RABGEF1: variants seen among roughly 807,000 people sequenced by gnomAD.
The protein encoded by RABGEF1 is rab5 GDP/GTP exchange factor.
A neutral mutation model predicts 57.3 loss-of-function variants in RABGEF1; 26 were observed. The ratio of observed to expected loss-of-function variants is 0.45; its 90% CI spans 0.33 to 0.63. The LOEUF is 0.63. Among genes scored for constraint, RABGEF1 ranks in the 20% least tolerant of loss-of-function variants. The pLI, the probability that RABGEF1 is intolerant of heterozygous loss-of-function variation, is 0.02. For missense variants in RABGEF1, 464 were observed against 607.6 expected, an observed-to-expected ratio of 0.76 and a Z score of 2.48; for synonymous variants, 185 against 210.7, an observed-to-expected ratio of 0.88 and a Z score of 1.06.
chr7:66,659,188 C>T, the RABGEF1 span, among the ~76,000 whole-genome samples: 1 of 152,126 alleles, frequency 6.6e-6, no homozygotes, highest in Non-Finnish European at 1.5e-5. Context: ...TGTGGTGGCT[C>T]ACGCCTGTAA....
rs565687746 is a variant in RABGEF1, at chr7:66,690,812, G to A, written c.-873+8554G>A. On this transcript the variant is annotated intron_variant and NMD_transcript_variant, in intron 1 of 9. Transcript: ENST00000607882. ...AAAAGGATTGTATAAGGCCAGGTGC[G>A]GTGCCTCACCCCTAAAATTCCAGCA... is the stretch of plus-strand genomic sequence containing the variant. Among the ~76,000 whole-genome samples, 12 of 151,634 alleles carry A rather than the reference G, an allele frequency of 7.9e-5. No homozygotes were observed. The South Asian group carries it at 1.5e-3, about 18-fold the overall frequency.
At chr7:66,664,951 C>A in the RABGEF1 span, among the ~76,000 whole-genome samples, 1 of 152,334 alleles carries the variant, frequency 6.6e-6, no homozygotes. Flanking sequence ...GCCCGTGGCC[C>A]CCACGGCAGG....
intron 1 of RABGEF1, chr7:66,756,141 A>G: frequency 9.9e-7 from 1 of 1,008,810 alleles, no homozygotes; most frequent in East Asian, 2.9e-5. Context: ...AATGACATAG[A>G]AAAATGAGCA....
the RABGEF1 span, among the ~76,000 whole-genome samples, chr7:66,659,918 T>C: frequency 6.8e-6 from 1 of 147,798 alleles, no homozygotes; most frequent in African/African-American, 2.5e-5. Context: ...AGAGTGGAAA[T>C]AAATAAAGAA....
intron 1 of RABGEF1, among the ~76,000 whole-genome samples, chr7:66,753,710 T>TTTG (rs1643834172): frequency 7.0e-6 from 1 of 142,116 alleles, no homozygotes; most frequent in South Asian, 2.5e-4. Flanking sequence ...CGTTTTTTTT[T>TTTG]TTTTTTTTTT....
chr7:66,748,951 A>G, intron 1 of RABGEF1: 1 of 213,568 alleles, frequency 4.7e-6, no homozygotes, highest in South Asian at 8.5e-5. Flanking sequence ...TCATAAGAGC[A>G]AGGCCGCTGC....
intron 1 of RABGEF1, among the ~76,000 whole-genome samples, chr7:66,699,336 C>T (rs892008840): frequency 9.2e-5 from 14 of 152,214 alleles, no homozygotes; most frequent in Non-Finnish European, 1.8e-4. Context: ...CTTTGCCTTT[C>T]ACCAGATATA....
intron 7 of RABGEF1, among the ~76,000 whole-genome samples, 155 bp from the exon 8 acceptor site, chr7:66,804,985 G>A (rs1054813727): frequency 1.3e-5 from 2 of 152,092 alleles, no homozygotes; most frequent in East Asian, 1.9e-4. Flanking sequence ...ATGAGTATGA[G>A]ATCATATTTA....
chr7:66,748,936 T>A (rs1364896079), intron 1 of RABGEF1: 1 of 233,694 alleles, frequency 4.3e-6, no homozygotes, highest in African/African-American at 2.3e-5. Flanking sequence ...AAAAACTGTT[T>A]TATGTCATAA....
intron 1 of RABGEF1, among the ~76,000 whole-genome samples, chr7:66,708,464 T>A (rs1232899446): frequency 6.6e-6 from 1 of 151,972 alleles, no homozygotes; most frequent in African/African-American, 2.4e-5. Flanking sequence ...ATTTTTGTAT[T>A]TTTAGTAGAG....
the RABGEF1 span, among the ~76,000 whole-genome samples, chr7:66,661,729 C>G: frequency 6.6e-6 from 1 of 152,316 alleles, no homozygotes; most frequent in East Asian, 1.9e-4. Flanking sequence ...CAAACTCTTT[C>G]AAAAACTTGA....
chr7:66,774,739 G>A (rs1355049413), intron 2 of RABGEF1, among the ~76,000 whole-genome samples: 4 of 152,100 alleles, frequency 2.6e-5, no homozygotes, highest in Admixed American at 6.5e-5. Flanking sequence ...CAGCCTGGGC[G>A]ATGGAGTGAC....
chr7:66,668,067 G>A, the RABGEF1 span, among the ~76,000 whole-genome samples: 1 of 152,012 alleles, frequency 6.6e-6, no homozygotes, highest in South Asian at 2.1e-4. Flanking sequence ...CAAATTGCTA[G>A]GATTACAGGT....
At chr7:66,656,610 A>G in the RABGEF1 span, among the ~76,000 whole-genome samples, 1 of 152,072 alleles carries the variant, frequency 6.6e-6, no homozygotes, top group Non-Finnish European at 1.5e-5. Context: ...TCATGTGGTC[A>G]GGAGTTTGAG....
intron 1 of RABGEF1, among the ~76,000 whole-genome samples, chr7:66,691,219 A>G (rs1383989407): frequency 6.6e-6 from 1 of 152,230 alleles, no homozygotes; most frequent in African/African-American, 2.4e-5. Context: ...ACAGTTTCTT[A>G]AAGAGTTAGT....
intron 7 of RABGEF1, among the ~76,000 whole-genome samples, chr7:66,802,603 A>C (rs1330788987): frequency 6.6e-6 from 1 of 152,200 alleles, no homozygotes; most frequent in Non-Finnish European, 1.5e-5. Flanking sequence ...CTCCTAGTTG[A>C]GACTTTGAAG....
chr7:66,748,996 A>G, intron 1 of RABGEF1: 1 of 180,672 alleles, frequency 5.5e-6, no homozygotes, highest in Non-Finnish European at 1.2e-5. Flanking sequence ...GGCTCTTGGT[A>G]GGTGATATCA....
rs977489447 is a variant in RABGEF1, at chr7:66,810,966, C to T, written c.*1682C>T. 1 of 152,214 alleles carries T rather than the reference C, an allele frequency of 6.6e-6. No homozygotes were observed. The highest frequency in any genetic ancestry group is 6.5e-5 in the Admixed American group (1 of 15,276). The allele number at this position is 152,214 out of a possible 1,614,324, so 9.4% of individuals were successfully genotyped here. A position where few individuals can be genotyped will look rare whatever the true frequency, so the allele number is the denominator to read the frequency against. Reference sequence around the variant, plus strand: ...CACTGAGTCAGCTGGTTCCCAAGCTCGCACAGAAGGTGATAAGTTACTATC... The same window carrying T: ...CACTGAGTCAGCTGGTTCCCAAGCTTGCACAGAAGGTGATAAGTTACTATC... On this transcript the variant is annotated 3_prime_UTR_variant, in exon 9 of 9. Transcript: ENST00000284957.
intron 2 of RABGEF1, among the ~76,000 whole-genome samples, chr7:66,718,122 C>T (rs1226434072): frequency 2.6e-5 from 4 of 152,086 alleles, no homozygotes; most frequent in Non-Finnish European, 5.9e-5. Context: ...GCGGGCAGAT[C>T]ACCTGAGGCC....
Sources: allele counts gnomAD v4.1 joint callset (sites outside exome capture counted in the v4.1 genomes callset), GRCh38; gene constraint gnomAD v4.1.1; transcripts MANE v1.5; gene names NCBI Gene and HGNC (gene_info 2026-07-23, HGNC 2026-07-21).